SPECC1L: variants seen among roughly 807,000 people sequenced by gnomAD.
SPECC1L encodes sperm antigen with calponin homology and coiled-coil domains 1 like.
In SPECC1L, 40 loss-of-function variants were observed where a neutral mutation model predicts 116.8. The ratio of observed to expected loss-of-function variants is 0.34; its 90% CI spans 0.27 to 0.45. The LOEUF (loss-of-function observed/expected upper bound fraction) is 0.45. Among genes scored for constraint, SPECC1L ranks in the 20% least tolerant of loss-of-function variants. The probability of loss-of-function intolerance (pLI) is 1.00; values close to 1 mark genes in which losing one functional copy is unlikely to be tolerated. For missense variants in SPECC1L, 1,110 were observed against 1,373.6 expected (o/e 0.81, Z 3.03); for synonymous variants, 504 against 500.6 (o/e 1.01, Z -0.09).
At chr22:24,272,209 T>C (rs1389176688) in intron 1 of SPECC1L, among the ~76,000 whole-genome samples, 16 of 147,594 alleles carry the variant, frequency 1.1e-4, no homozygotes, top group Non-Finnish European at 2.2e-4. Context: ...GGTGAAATCC[T>C]GTCTCTACTA....
chr22:24,390,837 C>G (rs1601333422), intron 14 of SPECC1L, among the ~76,000 whole-genome samples: 1 of 84,582 alleles, frequency 1.2e-5, no homozygotes, highest in Non-Finnish European at 2.4e-5. Flanking sequence ...CAGGGCTCTT[C>G]TTGGGCCTGT....
intron 2 of SPECC1L, among the ~76,000 whole-genome samples, chr22:24,298,144 C>T (rs1427302459): frequency 6.6e-6 from 1 of 151,966 alleles, no homozygotes; most frequent in Non-Finnish European, 1.5e-5. Flanking sequence ...ATGAGGTGTT[C>T]AATACTTTAT....
intron 11 of SPECC1L, among the ~76,000 whole-genome samples, chr22:24,353,715 A>G (rs1382183564): frequency 6.6e-6 from 1 of 152,014 alleles, no homozygotes; most frequent in African/African-American, 2.4e-5. Context: ...GCCTGAGTTT[A>G]TGTTTTAATG....
At position 24,347,124 on chromosome 22, in the gene SPECC1L, C is replaced by T. The variant is rs1278203122; in HGVS notation, c.2691C>T (p.Pro897=). ...GTGGACCAATCTCAACATCCAAACC[C>T]CTGACAGCCCTGTCAGATAAGAGAC... ...SISGPISTSK[P]LTALSDKRPN... is the part of the protein sequence containing the mutation. The change falls in exon 11 of 17, where the codon CCC becomes CCT. Residue 897 remains proline, a synonymous_variant. Transcript: ENST00000314328. 2 of 1,614,000 alleles carry T rather than the reference C, an allele frequency of 1.2e-6. No homozygotes were observed. The highest frequency in any genetic ancestry group is 1.7e-6 in the Non-Finnish European group (2 of 1,179,930).
intron 4 of SPECC1L, among the ~76,000 whole-genome samples, chr22:24,317,351 C>T (rs1373811131): frequency 4.9e-4 from 55 of 112,334 alleles, no homozygotes; most frequent in South Asian, 8.7e-4. Flanking sequence ...GGCGGCTGGC[C>T]GGGCAGAGGG....
chr22:24,360,984 A>G (rs1256887832), intron 11 of SPECC1L, among the ~76,000 whole-genome samples: 1 of 151,004 alleles, frequency 6.6e-6, no homozygotes, highest in African/African-American at 2.5e-5. Context: ...TGTTCAAGAT[A>G]AGAACACTGT....
chr22:24,406,130 C>T (rs2042586542), intron 14 of SPECC1L, among the ~76,000 whole-genome samples: 1 of 152,166 alleles, frequency 6.6e-6, no homozygotes, highest in Non-Finnish European at 1.5e-5. Context: ...TTCCAGGGGC[C>T]ACCAATCCGC....
intron 3 of SPECC1L, among the ~76,000 whole-genome samples, chr22:24,311,379 G>A (rs1352753420): frequency 6.6e-6 from 1 of 152,210 alleles, no homozygotes; most frequent in African/African-American, 2.4e-5. Context: ...ATAAGAATGT[G>A]TTGAGTTTAC....
In SPECC1L at chr22:24,369,190, A is replaced by G. The variant is rs750757194; in HGVS notation, c.2985-28A>G. 11 of 1,556,516 alleles carry G rather than the reference A, an allele frequency of 7.1e-6. No homozygotes were observed. The East Asian group carries it at 2.5e-4, about 35-fold the overall frequency. ...TTATTCTGGTGCCCAAACAAAAAAT[A>G]TTTCAACTTTGGGTTACTTGTTTTC... On this transcript the variant is annotated intron_variant, in intron 13 of 16. Coordinates refer to ENST00000314328, the MANE Select transcript of SPECC1L (RefSeq NM_015330.6).
At position 24,328,883 on chromosome 22, in the gene SPECC1L, G is replaced by A. The variant is rs1382124704; in HGVS notation, c.2184G>A (p.Met728Ile). 1 of 1,613,798 alleles carries A rather than the reference G, an allele frequency of 6.2e-7. No homozygotes were observed. Among genetic ancestry groups the A allele is most frequent in the South Asian group, 1.1e-5 (1 of 91,070 alleles). The change falls in exon 7 of 17, where the codon ATG (methionine) becomes ATA (isoleucine). Residue 728 changes from methionine (M) to isoleucine (I), a missense_variant. Physicochemically the swap from Met to Ile is conservative, Grantham distance 10. Around this residue, in one of 4 missense-constraint regions of SPECC1L, gnomAD observed 575 missense variants for 682.4 expected, o/e 0.84. Transcript: ENST00000314328. ...VKKLQDQKHD[M>I]EREIKTLHRR... Reference sequence around the variant, plus strand: ...AACTCCAGGACCAAAAGCACGACATGGAAAGAGAAATAAAGACACTCCACA... The same window carrying A: ...AACTCCAGGACCAAAAGCACGACATAGAAAGAGAAATAAAGACACTCCACA...
At chr22:24,375,545 G>T (rs572560781) in intron 14 of SPECC1L, among the ~76,000 whole-genome samples, 18 of 152,154 alleles carry the variant, frequency 1.2e-4, no homozygotes, top group Admixed American at 8.5e-4. Context: ...GGAAAAAACC[G>T]CATGATCATC....
intron 3 of SPECC1L, among the ~76,000 whole-genome samples, chr22:24,311,430 G>A (rs926998979): frequency 6.6e-6 from 1 of 152,148 alleles, no homozygotes; most frequent in Admixed American, 6.5e-5. Flanking sequence ...GGACAAATTG[G>A]CAGGAAAGTG....
intron 2 of SPECC1L, among the ~76,000 whole-genome samples, chr22:24,287,580 C>T (rs1277432565): frequency 6.6e-6 from 1 of 152,170 alleles, no homozygotes; most frequent in African/African-American, 2.4e-5. Flanking sequence ...AGATTTAGCA[C>T]ACCAAGGCCC....
intron 16 of SPECC1L, among the ~76,000 whole-genome samples, 153 bp downstream of exon 16, chr22:24,412,860 G>A (rs556614435): frequency 5.3e-5 from 8 of 152,200 alleles, no homozygotes; most frequent in South Asian, 2.1e-4. Flanking sequence ...GGAGGGTCCC[G>A]TCAAGGGTGG....
At chr22:24,387,167 A>T (rs1601327492) in intron 14 of SPECC1L, among the ~76,000 whole-genome samples, 1 of 152,230 alleles carries the variant, frequency 6.6e-6, no homozygotes, top group East Asian at 1.9e-4. Context: ...ATAATCATTA[A>T]GACGTAAATG....
chr22:24,306,927 T>C lies in SPECC1L; in HGVS notation c.153+4543T>C, dbSNP rs570647125. ...TACCACTTGTTTTGTGTCTGGCTTA[T>C]TTAACTTAGCATCATGTCCTCAAGG... On this transcript the variant is annotated intron_variant, in intron 3 of 16. Transcript: ENST00000314328. Among the ~76,000 whole-genome samples the C allele has an allele frequency of 3.9e-5, 6 of 152,368 alleles. No homozygotes were observed. The East Asian group carries it at 1.2e-3, about 29-fold the overall frequency.
At chr22:24,363,448 T>C in intron 12 of SPECC1L, 104 bp downstream of exon 12, 1 of 984,706 alleles carries the variant, frequency 1.0e-6, no homozygotes, top group Non-Finnish European at 1.6e-6. Flanking sequence ...CAAGCTATGC[T>C]CTCACTGGCC....
At chr22:24,295,162 C>T (rs1277508834) in intron 2 of SPECC1L, among the ~76,000 whole-genome samples, 2 of 150,730 alleles carry the variant, frequency 1.3e-5, no homozygotes, top group East Asian at 1.9e-4. Flanking sequence ...TTCTAGTGAG[C>T]GTTCAGGCCA....
intron 14 of SPECC1L, among the ~76,000 whole-genome samples, chr22:24,402,077 A>C (rs2042487664): frequency 1.6e-5 from 2 of 126,598 alleles, no homozygotes; most frequent in African/African-American, 5.5e-5. Context: ...GCCAGGCAAG[A>C]CTCTCCCTGA....
Sources: gnomAD v4.1 joint callset for allele counts (sites outside exome capture counted in the v4.1 genomes callset) on GRCh38, gnomAD v4.1.1 for gene constraint, gnomAD v4.1.1 regional missense constraint, MANE v1.5 for transcripts, NCBI Gene and HGNC (gene_info 2026-07-23, HGNC 2026-07-21) for gene names.